Variants in PTPRD observed in about 807,000 individuals in gnomAD.
PTPRD encodes receptor-type tyrosine-protein phosphatase delta.
A neutral mutation model predicts 214.5 loss-of-function variants in PTPRD; 34 were observed. That is an observed-to-expected ratio of 0.16 (90% CI 0.12 to 0.21). The LOEUF (loss-of-function observed/expected upper bound fraction) is 0.21. Among genes scored for constraint, PTPRD ranks in the 10% least tolerant of loss-of-function variants. The pLI is 1.00. For missense variants in PTPRD, 2,545 were observed against 2,398.7 expected (o/e 1.06, Z -1.27); for synonymous variants, 1,128 against 845.7 (o/e 1.33, Z -5.79).
intron 2 of PTPRD, among the ~76,000 whole-genome samples, chr9:10,417,737 G>C (rs2098505920): frequency 6.6e-6 from 1 of 151,716 alleles, no homozygotes; most frequent in African/African-American, 2.4e-5. Context: ...TTCCCCATGA[G>C]AATACATGAG....
At chr9:8,718,996 A>T (rs1235925802) in intron 12 of PTPRD, among the ~76,000 whole-genome samples, 3 of 152,194 alleles carry the variant, frequency 2.0e-5, no homozygotes, top group African/African-American at 7.2e-5. Context: ...CAAATTCACC[A>T]TGACTTTTGT....
chr9:8,998,662 T>C (rs2099406272), intron 11 of PTPRD, among the ~76,000 whole-genome samples: 1 of 152,092 alleles, frequency 6.6e-6, no homozygotes, highest in South Asian at 2.1e-4. Context: ...AGTCTTATTA[T>C]TTAATAAACA....
At chr9:9,466,633 T>TA (rs2094178682) in intron 8 of PTPRD, among the ~76,000 whole-genome samples, 1 of 152,192 alleles carries the variant, frequency 6.6e-6, no homozygotes, top group Non-Finnish European at 1.5e-5. Context: ...ATGTGTTTAG[T>TA]AAGACTTAGG....
intron 3 of PTPRD, among the ~76,000 whole-genome samples, chr9:10,089,896 A>C (rs1213866424): frequency 2.0e-5 from 3 of 151,630 alleles, no homozygotes; most frequent in African/African-American, 7.3e-5. Context: ...TCTGATTCAA[A>C]TGTATGATGT....
chr9:8,405,130 C>T (rs1480637946), intron 35 of PTPRD, among the ~76,000 whole-genome samples: 1 of 152,122 alleles, frequency 6.6e-6, no homozygotes, highest in African/African-American at 2.4e-5. Flanking sequence ...CATTCTTTAT[C>T]TACATGTTCA....
chr9:8,635,827 T>C (rs565339238), intron 13 of PTPRD, among the ~76,000 whole-genome samples: 132 of 152,148 alleles, frequency 8.7e-4, no homozygotes, highest in Non-Finnish European at 1.5e-3. Context: ...CATGCTATTG[T>C]GTGCCCATAA....
At chr9:8,899,115 G>A (rs927780956) in intron 11 of PTPRD, among the ~76,000 whole-genome samples, 17 of 152,000 alleles carry the variant, frequency 1.1e-4, no homozygotes, top group South Asian at 4.2e-4. Flanking sequence ...CAGAGCTAAC[G>A]GAGAACCAGG....
At chr9:10,571,163 G>A (rs79078376) in intron 2 of PTPRD, among the ~76,000 whole-genome samples, 5 of 151,874 alleles carry the variant, frequency 3.3e-5, no homozygotes, top group Admixed American at 2.0e-4. Flanking sequence ...AAATATATGA[G>A]GTTAATTATT....
At chr9:8,872,687 A>T (rs1300125055) in intron 11 of PTPRD, among the ~76,000 whole-genome samples, 1 of 152,230 alleles carries the variant, frequency 6.6e-6, no homozygotes, top group African/African-American at 2.4e-5. Context: ...ATCACTTTTT[A>T]AAAATAAATC....
intron 8 of PTPRD, among the ~76,000 whole-genome samples, chr9:9,543,686 T>G (rs2078113214): frequency 6.6e-6 from 1 of 151,584 alleles, no homozygotes; most frequent in Admixed American, 6.6e-5. Flanking sequence ...ACCTTGATTG[T>G]TACTGAAAAC....
intron 8 of PTPRD, among the ~76,000 whole-genome samples, chr9:9,429,970 C>A (rs971330879): frequency 6.6e-6 from 1 of 152,252 alleles, no homozygotes; most frequent in Admixed American, 6.5e-5. Context: ...AAACTGGAAG[C>A]ATTCCCTTTG....
intron 3 of PTPRD, among the ~76,000 whole-genome samples, chr9:10,034,448 AG>A (rs2097141501): frequency 7.4e-6 from 1 of 134,964 alleles, no homozygotes; most frequent in Non-Finnish European, 1.6e-5. Flanking sequence ...TTTTAAGTTC[AG>A]GGGTACATGT....
chr9:8,453,839 C>T (rs1262754252), intron 33 of PTPRD, among the ~76,000 whole-genome samples: 1 of 152,136 alleles, frequency 6.6e-6, no homozygotes, highest in Middle Eastern at 3.2e-3. Flanking sequence ...GCTATGGCTG[C>T]TGGTCCAGAG....
chr9:9,550,561 T>A (rs1013139510), intron 8 of PTPRD, among the ~76,000 whole-genome samples: 7 of 149,470 alleles, frequency 4.7e-5, no homozygotes, highest in African/African-American at 1.7e-4. Flanking sequence ...TTATATAATG[T>A]TAATATATAT....
At position 9,976,689 on chromosome 9, in the gene PTPRD, C is replaced by CAAAAAAAAAA. The variant is rs869096131; in HGVS notation, c.-471-38089_-471-38080dup. On this transcript the variant is annotated intron_variant, in intron 4 of 45. Coordinates refer to ENST00000381196, the MANE Select transcript of PTPRD (RefSeq NM_002839.4). ...GGTGTGAGCCACTACACCCTGCCAC[C>CAAAAAAAAAA]AAAAAAAAAAAAAAAAAAAAAAATT... Among the ~76,000 whole-genome samples the CAAAAAAAAAA allele has an allele frequency of 1.7e-3, 107 of 63,236 alleles. 2 individuals are homozygous for CAAAAAAAAAA. The highest frequency in any genetic ancestry group is 6.4e-3 in the African/African-American group (83 of 13,064). 41.5% of individuals were successfully genotyped at this position (63,236 alleles called of 152,430 possible). A position where few individuals can be genotyped will look rare whatever the true frequency, so the allele number is the denominator to read the frequency against.
At chr9:8,654,861 T>C (rs2096878902) in intron 12 of PTPRD, among the ~76,000 whole-genome samples, 1 of 152,234 alleles carries the variant, frequency 6.6e-6, no homozygotes, top group African/African-American at 2.4e-5. Flanking sequence ...GCCAGAACTG[T>C]ACTAGCTTCT....
intron 10 of PTPRD, among the ~76,000 whole-genome samples, chr9:9,064,084 AC>A (rs2099717380): frequency 6.6e-6 from 1 of 152,198 alleles, no homozygotes; most frequent in Admixed American, 6.5e-5. Context: ...CTAATAATAT[AC>A]CATAATATAC....
chr9:8,843,371 G>A (rs931819429), intron 11 of PTPRD, among the ~76,000 whole-genome samples: 8 of 152,142 alleles, frequency 5.3e-5, no homozygotes, highest in South Asian at 2.1e-4. Context: ...TAGAGTCAAC[G>A]AGTATTCTAA....
intron 2 of PTPRD, among the ~76,000 whole-genome samples, chr9:10,589,696 G>T (rs2074928902): frequency 6.6e-6 from 1 of 151,994 alleles, no homozygotes; most frequent in African/African-American, 2.4e-5. Flanking sequence ...GAAACTGATG[G>T]ATACAGTGGC....
Sources: gnomAD v4.1 joint callset for allele counts (sites outside exome capture counted in the v4.1 genomes callset) on GRCh38, gnomAD v4.1.1 for gene constraint, MANE v1.5 for transcripts, NCBI Gene and HGNC (gene_info 2026-07-23, HGNC 2026-07-21) for gene names.